Variants in AATF observed in about 807,000 individuals in gnomAD.
AATF encodes apoptosis antagonizing transcription factor.
In AATF, 48 loss-of-function variants were observed where a neutral mutation model predicts 63.7. The observed-to-expected ratio is 0.75, with a 90% CI of 0.60 to 0.96. The LOEUF (loss-of-function observed/expected upper bound fraction) is 0.96, where lower values mean the gene tolerates loss of function less well. Among genes scored for constraint, AATF ranks in the 40% least tolerant of loss-of-function variants. The pLI is 0.00. For missense variants in AATF, 639 were observed against 685.7 expected (o/e 0.93, Z 0.76); for synonymous variants, 258 against 247.7 (o/e 1.04, Z -0.39).
In AATF at chr17:37,004,696, G is replaced by A. The variant is rs578034342; in HGVS notation, c.1398+13839G>A. 7.7e-4 allele frequency among the ~76,000 whole-genome samples: 117 copies of A among 152,252 alleles called. 1 individual carries two copies. The highest frequency in any genetic ancestry group is 2.7e-3 in the African/African-American group (114 of 41,532). On this transcript the variant is annotated intron_variant, in intron 8 of 11. Coordinates refer to ENST00000619387, the MANE Select transcript of AATF (RefSeq NM_012138.4). The stretch of plus-strand genomic sequence containing the variant: ...GGTATTTCTTATGAATGAAGGAGCC[G>A]AGAGTGATAAGATGTAGGAGGATAT...
At chr17:37,008,864 G>A (rs1430385842) in intron 8 of AATF, among the ~76,000 whole-genome samples, 1 of 152,136 alleles carries the variant, frequency 6.6e-6, no homozygotes, top group Non-Finnish European at 1.5e-5. Flanking sequence ...CACACACACT[G>A]TAACTGAAAT....
intron 4 of AATF, among the ~76,000 whole-genome samples, chr17:36,954,874 A>AG (rs893020366): frequency 6.6e-6 from 1 of 152,176 alleles, no homozygotes; most frequent in Non-Finnish European, 1.5e-5. Flanking sequence ...ACTGGGGCAG[A>AG]GGGAGATTTA....
At chr17:37,014,137 G>A (rs907325006) in intron 8 of AATF, among the ~76,000 whole-genome samples, 2 of 152,022 alleles carry the variant, frequency 1.3e-5, no homozygotes, top group African/African-American at 4.8e-5. Flanking sequence ...GAGTCCTTAC[G>A]TGTATGAAAA....
chr17:37,012,208 C>T (rs1264073072), intron 8 of AATF, among the ~76,000 whole-genome samples: 1 of 152,108 alleles, frequency 6.6e-6, no homozygotes, highest in Admixed American at 6.5e-5. Context: ...CATGCGCCAC[C>T]ATGCCCAGTT....
At chr17:36,971,285 A>G (rs954706197) in intron 4 of AATF, among the ~76,000 whole-genome samples, 1 of 152,242 alleles carries the variant, frequency 6.6e-6, no homozygotes, top group African/African-American at 2.4e-5. Flanking sequence ...ACCAAAGACA[A>G]TATATGATAG....
At chr17:37,044,806 C>T (rs190886250) in intron 11 of AATF, among the ~76,000 whole-genome samples, 342 of 152,192 alleles carry the variant, frequency 2.2e-3, no homozygotes, top group Non-Finnish European at 3.6e-3. Context: ...CAGCATAGTT[C>T]GTGTCGGTGC....
rs2070844382 is a variant in AATF at position 36,950,340 on chromosome 17, G to T, written c.218G>T (p.Gly73Val). The T allele has an allele frequency of 1.2e-6, 2 of 1,614,154 alleles. No homozygotes were observed. The highest frequency in any genetic ancestry group is 1.7e-6 in the Non-Finnish European group (2 of 1,180,030). The change falls in exon 2 of 12, where the codon GGC becomes GTC. Residue 73 changes from glycine to valine, a missense_variant. Gly to Val is a moderately radical substitution (Grantham distance 109, BLOSUM62 -3). Transcript: ENST00000619387. ...TTGGACACGGACAAAAGGTATTGCG[G>T]CAAAACCACCTCTAGAAAAGCATGG... ...SLLDTDKRYC[G>V]KTTSRKAWNE...
chr17:37,032,042 C>G (rs1406100396), intron 11 of AATF, among the ~76,000 whole-genome samples: 3 of 152,074 alleles, frequency 2.0e-5, no homozygotes, highest in African/African-American at 7.2e-5. Flanking sequence ...CTAGTGAGTG[C>G]TCTGGAGATG....
intron 11 of AATF, among the ~76,000 whole-genome samples, chr17:37,049,746 A>G (rs1354721057): frequency 6.6e-6 from 1 of 151,950 alleles, no homozygotes; most frequent in East Asian, 1.9e-4. Flanking sequence ...TTTATTGGAG[A>G]AGGATCCCTT....
At chr17:37,052,161 C>G (rs2071757890) in intron 11 of AATF, 1 of 152,070 alleles carries the variant, frequency 6.6e-6, no homozygotes, top group South Asian at 2.1e-4. Context: ...CATCTTGATT[C>G]TTAATGTGAT....
intron 4 of AATF, among the ~76,000 whole-genome samples, chr17:36,963,703 TA>T (rs1361531260): frequency 6.6e-6 from 1 of 152,226 alleles, no homozygotes; most frequent in African/African-American, 2.4e-5. Flanking sequence ...TAACTTTAGA[TA>T]ATTTCTTTAT....
intron 1 of AATF, 96 bp downstream of exon 1, chr17:36,949,312 G>A: frequency 8.3e-7 from 1 of 1,200,560 alleles, no homozygotes. Context: ...AGGCCGCCGG[G>A]CCTGCGCTCC....
At chr17:36,978,252 A>G (rs7223880) in intron 4 of AATF, among the ~76,000 whole-genome samples, 5,214 of 152,200 alleles carry the variant, frequency 0.034, 310 homozygotes, top group African/African-American at 0.12. Flanking sequence ...AATTCCCCAC[A>G]TCATTCTCTT....
chr17:37,005,741 C>T (rs1303400296), intron 8 of AATF, among the ~76,000 whole-genome samples: 1 of 152,124 alleles, frequency 6.6e-6, no homozygotes, highest in Admixed American at 6.6e-5. Context: ...CCAAGACATC[C>T]ATCTAGTGAC....
chr17:36,971,375 C>G (rs146537437), intron 4 of AATF, among the ~76,000 whole-genome samples: 1 of 152,270 alleles, frequency 6.6e-6, no homozygotes, highest in East Asian at 1.9e-4. Flanking sequence ...GGAGATACCT[C>G]TACATACCTA....
At chr17:37,016,211 G>A (rs940859677) in intron 8 of AATF, among the ~76,000 whole-genome samples, 1 of 152,156 alleles carries the variant, frequency 6.6e-6, no homozygotes, top group African/African-American at 2.4e-5. Flanking sequence ...TTTCTTAGGA[G>A]TTAATATTTA....
Position 36,986,728 on chromosome 17 carries a change from G to A in AATF, c.944G>A (p.Gly315Glu), listed in dbSNP as rs769545250. 2 of 1,610,168 alleles carry A rather than the reference G, an allele frequency of 1.2e-6. No individual in the cohort carries two copies. The highest frequency in any genetic ancestry group is 8.5e-7 in the Non-Finnish European group (1 of 1,176,480). Residue 315 changes from glycine to glutamate, a missense_variant, in exon 5 of 12, where the codon GGA becomes GAA. Coordinates refer to ENST00000619387, the MANE Select transcript of AATF (RefSeq NM_012138.4). Reference sequence around the variant, plus strand: ...GTAGATGGGACAAAGCCCAATGCGGGAAGGTAAGAGAACAGAATCATGGAG... The same window carrying A: ...GTAGATGGGACAAAGCCCAATGCGGAAAGGTAAGAGAACAGAATCATGGAG... ...YLVDGTKPNA[G>E]SEEISSEDDE...
At chr17:36,958,068 A>G (rs1257017164) in intron 4 of AATF, among the ~76,000 whole-genome samples, 2 of 152,222 alleles carry the variant, frequency 1.3e-5, no homozygotes, top group African/African-American at 2.4e-5. Context: ...TAGTGGCTGC[A>G]TAAGTGGTAA....
At chr17:36,975,517 CA>C (rs1357221115) in intron 4 of AATF, among the ~76,000 whole-genome samples, 1 of 152,198 alleles carries the variant, frequency 6.6e-6, no homozygotes, top group African/African-American at 2.4e-5. Context: ...TAATCCTTTT[CA>C]ACAGCTGCAC....
Sources: gnomAD v4.1 joint callset for allele counts (sites outside exome capture counted in the v4.1 genomes callset) on GRCh38, gnomAD v4.1.1 for gene constraint, MANE v1.5 for transcripts, NCBI Gene and HGNC (gene_info 2026-07-23, HGNC 2026-07-21) for gene names.